DDX10: variants seen among roughly 807,000 people sequenced by gnomAD.
DDX10 encodes the protein DEAD-box helicase 10, also known as probable ATP-dependent RNA helicase DDX10.
A neutral mutation model predicts 104.3 loss-of-function variants in DDX10; 74 were observed. That is an observed-to-expected ratio of 0.71 (90% confidence interval 0.59 to 0.86). The LOEUF (loss-of-function observed/expected upper bound fraction) is 0.86. DDX10 is among the 40% of genes least tolerant of loss of function. The pLI, the probability that DDX10 is intolerant of heterozygous loss-of-function variation, is 0.00. For missense variants in DDX10, 952 were observed against 1,040.0 expected (o/e 0.92, Z 1.16); for synonymous variants, 351 against 353.4 (o/e 0.99, Z 0.08).
chr11:108,719,787 T>A lies in DDX10; in HGVS notation c.1411-10T>A. On this transcript the variant is annotated splice_polypyrimidine_tract_variant and intron_variant, in intron 11 of 17. Transcript: ENST00000322536. ...TATTATATTGTACTTTTCAACCTCT[T>A]AATTTACAGTGTTTCGTCTCCTATG... 1 of 1,545,648 alleles carries A rather than the reference T, an allele frequency of 6.5e-7. No homozygotes were observed. The highest frequency in any genetic ancestry group is 8.9e-7 in the Non-Finnish European group (1 of 1,122,146).
At chr11:108,921,977 G>A (rs1321444469) in intron 17 of DDX10, 1 of 152,460 alleles carries the variant, frequency 6.6e-6, no homozygotes, top group Non-Finnish European at 1.5e-5. Flanking sequence ...CGAGCACAGT[G>A]GCTCACGCCT....
intron 13 of DDX10, among the ~76,000 whole-genome samples, chr11:108,769,379 G>A (rs573821428): frequency 6.6e-6 from 1 of 151,542 alleles, no homozygotes; most frequent in East Asian, 1.9e-4. Flanking sequence ...CCCAAGCATT[G>A]GTGTTTAAAT....
chr11:108,719,448 G>C (rs1442507807), intron 11 of DDX10, among the ~76,000 whole-genome samples: 1 of 152,110 alleles, frequency 6.6e-6, no homozygotes, highest in Non-Finnish European at 1.5e-5. Context: ...AATTTGCTCA[G>C]TGAGTAAGAG....
chr11:108,790,170 C>T (rs910774077), intron 13 of DDX10, among the ~76,000 whole-genome samples: 1 of 152,160 alleles, frequency 6.6e-6, no homozygotes, highest in Non-Finnish European at 1.5e-5. Context: ...CCATAGATGT[C>T]CGCCCTACTC....
intron 13 of DDX10, among the ~76,000 whole-genome samples, chr11:108,775,188 G>A (rs914348112): frequency 6.6e-6 from 1 of 152,170 alleles, no homozygotes; most frequent in Non-Finnish European, 1.5e-5. Flanking sequence ...GTGAAATGAA[G>A]GAAACATTGT....
intron 8 of DDX10, among the ~76,000 whole-genome samples, chr11:108,693,152 C>T (rs945468450): frequency 1.3e-5 from 2 of 152,080 alleles, no homozygotes; most frequent in Non-Finnish European, 2.9e-5. Flanking sequence ...GTTTCTGTTC[C>T]CGTTGGTTTG....
chr11:108,725,230 T>C (rs1465885477), intron 13 of DDX10, among the ~76,000 whole-genome samples: 1 of 152,148 alleles, frequency 6.6e-6, no homozygotes, highest in Non-Finnish European at 1.5e-5. Context: ...TTGGCATTGG[T>C]TGTTTCCATT....
intron 17 of DDX10, among the ~76,000 whole-genome samples, chr11:108,925,024 A>T (rs771457402): frequency 6.6e-6 from 1 of 152,194 alleles, no homozygotes; most frequent in African/African-American, 2.4e-5. Context: ...TTTCAGCTTC[A>T]GGAGTATATG....
At chr11:108,687,924 A>G (rs2094246834) in intron 6 of DDX10, among the ~76,000 whole-genome samples, 1 of 152,206 alleles carries the variant, frequency 6.6e-6, no homozygotes, top group Non-Finnish European at 1.5e-5. Flanking sequence ...GTGGGCATGT[A>G]TATGGATATA....
In DDX10 at chr11:108,771,568, A is replaced by G. The variant is rs1037048464; in HGVS notation, c.1965+48106A>G. On this transcript the variant is annotated intron_variant, in intron 13 of 17. Transcript: ENST00000322536. The stretch of plus-strand genomic sequence containing the variant: ...CACTGTGTTAGCCAGGATGGTCTCG[A>G]TCTCCTGACCTCGTGATCCGTCCGC... Among the ~76,000 whole-genome samples the G allele has an allele frequency of 2.0e-5, 3 of 152,044 alleles. No homozygotes were observed. The East Asian group carries it at 5.8e-4, about 29-fold the overall frequency.
intron 10 of DDX10, among the ~76,000 whole-genome samples, chr11:108,713,672 CTT>C (rs2094287560): frequency 6.6e-6 from 1 of 152,130 alleles, no homozygotes; most frequent in Non-Finnish European, 1.5e-5. Flanking sequence ...TGCTCTGTCT[CTT>C]CAAATTATGT....
chr11:108,688,153 T>G (rs2094247267), intron 6 of DDX10, among the ~76,000 whole-genome samples: 1 of 152,224 alleles, frequency 6.6e-6, no homozygotes, highest in East Asian at 1.9e-4. Flanking sequence ...TTCATCATTT[T>G]TTGCTTCATA....
At chr11:108,850,702 T>TA (rs1400063428) in intron 15 of DDX10, among the ~76,000 whole-genome samples, 1 of 152,194 alleles carries the variant, frequency 6.6e-6, no homozygotes, top group Admixed American at 6.5e-5. Context: ...AACATATTGA[T>TA]ACGGATACAA....
intron 7 of DDX10, among the ~76,000 whole-genome samples, chr11:108,689,641 A>G (rs1466842636): frequency 6.6e-6 from 1 of 152,216 alleles, no homozygotes; most frequent in Non-Finnish European, 1.5e-5. Context: ...TGTGCTAGGA[A>G]TAAAGAATAA....
intron 6 of DDX10, among the ~76,000 whole-genome samples, chr11:108,686,581 AT>A (rs2094244425): frequency 6.6e-6 from 1 of 152,126 alleles, no homozygotes; most frequent in African/African-American, 2.4e-5. Context: ...AGCTCATTTC[AT>A]TTTAGCACTG....
intron 13 of DDX10, among the ~76,000 whole-genome samples, chr11:108,745,560 T>C (rs1323835321): frequency 6.6e-6 from 1 of 152,148 alleles, no homozygotes; most frequent in Admixed American, 6.6e-5. Context: ...TTTTACGTTT[T>C]AATGTTATCC....
intron 13 of DDX10, among the ~76,000 whole-genome samples, chr11:108,811,804 A>T (rs971787140): frequency 2.9e-4 from 44 of 149,842 alleles, no homozygotes; most frequent in African/African-American, 1.0e-3. Flanking sequence ...ATGACAAGTG[A>T]TTCTATTGAA....
Position 108,677,114 on chromosome 11 carries a change from G to A in DDX10, c.408G>A (p.Trp136Ter). The change falls in exon 4 of 18, where the codon TGG becomes TGA. Residue 136 changes from tryptophan (W) to a stop codon, truncating the protein, a stop_gained. Transcript: ENST00000322536. LOFTEE classifies it high-confidence loss of function. Reference sequence around the variant, plus strand: ...TGGAAGCCTTATATCGTCTGCAATGGACTTCAACAGATGGGCTGGGGGTTC... The same window carrying A: ...TGGAAGCCTTATATCGTCTGCAATGAACTTCAACAGATGGGCTGGGGGTTC... ...PVLEALYRLQWTSTDGLGVLI... is the reference protein window; with the variant it reads ...PVLEALYRLQ The A allele has an allele frequency of 6.2e-7, 1 of 1,613,304 alleles. No homozygotes were observed.
At chr11:108,837,607 C>CTTGTTTTTTTTTTTT (rs1862572575) in intron 13 of DDX10, among the ~76,000 whole-genome samples, 1 of 34,722 alleles carries the variant, frequency 2.9e-5, no homozygotes, top group African/African-American at 1.3e-4. Flanking sequence ...TTGGATACAG[C>CTTGTTTTTTTTTTTT]TTTTTTTTTT....
Sources: gnomAD v4.1 joint callset for allele counts (sites outside exome capture counted in the v4.1 genomes callset) on GRCh38, gnomAD v4.1.1 for gene constraint, MANE v1.5 for transcripts, NCBI Gene and HGNC (gene_info 2026-07-23, HGNC 2026-07-21) for gene names.